The following MAPK8 variants were observed in gnomAD, a reference collection of about 807,000 sequenced individuals.
MAPK8 encodes the protein JUN N-terminal kinase.
A neutral mutation model predicts 52.9 loss-of-function variants in MAPK8; 13 were observed. The ratio of observed to expected loss-of-function variants is 0.25; its 90% CI spans 0.16 to 0.39. The LOEUF (loss-of-function observed/expected upper bound fraction) is 0.39, where lower values mean the gene tolerates loss of function less well. Among genes scored for constraint, MAPK8 ranks in the 10% least tolerant of loss-of-function variants. MAPK8 has a pLI of 1.00. For missense variants in MAPK8, 300 were observed against 519.2 expected, an observed-to-expected ratio of 0.58 and a Z score of 4.10; for synonymous variants, 191 against 169.8, an observed-to-expected ratio of 1.12 and a Z score of -0.97.
intron 1 of MAPK8, among the ~76,000 whole-genome samples, chr10:48,347,544 C>A (rs546659645): frequency 3.3e-5 from 5 of 152,160 alleles, no homozygotes; most frequent in African/African-American, 4.8e-5. Flanking sequence ...CTATCTCTGC[C>A]CTAGCTCCCC....
chr10:48,414,216 C>T (rs2042936839), intron 5 of MAPK8, among the ~76,000 whole-genome samples: 1 of 152,014 alleles, frequency 6.6e-6, no homozygotes, highest in Non-Finnish European at 1.5e-5. Context: ...ATAATCTTTT[C>T]AAGGTTCATT....
intron 1 of MAPK8, among the ~76,000 whole-genome samples, chr10:48,331,152 G>A (rs763644506): frequency 6.6e-6 from 1 of 152,130 alleles, no homozygotes; most frequent in Non-Finnish European, 1.5e-5. Flanking sequence ...GCTGGGTGGG[G>A]CAGGATGATG....
intron 1 of MAPK8, among the ~76,000 whole-genome samples, chr10:48,380,307 T>G (rs925697325): frequency 1.3e-4 from 20 of 152,214 alleles, no homozygotes. Flanking sequence ...GTTTAGGAAT[T>G]GCATACAATT....
At chr10:48,389,621 G>A (rs1376160333) in intron 1 of MAPK8, among the ~76,000 whole-genome samples, 1 of 152,176 alleles carries the variant, frequency 6.6e-6, no homozygotes, top group African/African-American at 2.4e-5. Flanking sequence ...TTCATAATGG[G>A]AATTTAAAAT....
At chr10:48,322,351 C>G (rs1408843707) in intron 1 of MAPK8, among the ~76,000 whole-genome samples, 1 of 151,620 alleles carries the variant, frequency 6.6e-6, no homozygotes, top group Non-Finnish European at 1.5e-5. Context: ...TTAAGCATGT[C>G]TGTGTCGGAT....
chr10:48,323,292 C>T (rs1034450401), intron 1 of MAPK8, among the ~76,000 whole-genome samples: 1 of 152,152 alleles, frequency 6.6e-6, no homozygotes, highest in Non-Finnish European at 1.5e-5. Flanking sequence ...ATGATATTGT[C>T]ATAATTAAAA....
chr10:48,399,039 C>T lies in MAPK8; in HGVS notation c.-49-2573C>T, dbSNP rs541833803. Among the ~76,000 whole-genome samples, 7 of 152,296 alleles carry T rather than the reference C, an allele frequency of 4.6e-5. No homozygotes were observed. The South Asian group carries it at 1.0e-3, about 23-fold the overall frequency. ...TTTTTTCTGCCTAGAAAGCTCTCTC[C>T]TCTCCCTGTCTGGTTGACTCATATT... On this transcript the variant is annotated intron_variant, in intron 1 of 11. Coordinates refer to ENST00000374189, the MANE Select transcript of MAPK8 (RefSeq NM_001323329.2).
At chr10:48,357,239 A>T (rs1847067485) in intron 1 of MAPK8, among the ~76,000 whole-genome samples, 1 of 152,198 alleles carries the variant, frequency 6.6e-6, no homozygotes. Flanking sequence ...CACATCTGTA[A>T]CATCTGTAGT....
At position 48,379,938 on chromosome 10, in the gene MAPK8, T is replaced by TAAAA. The variant is rs373050540; in HGVS notation, c.-49-21656_-49-21653dup. ...AGGATTTGGAGGGAAACAAAGCTCT[T>TAAAA]AAAAAAAAAAAAAAAAAAAAACAGA... On this transcript the variant is annotated intron_variant, in intron 1 of 11. Transcript: ENST00000374189. 3.0e-3 allele frequency among the ~76,000 whole-genome samples: 348 copies of TAAAA among 115,796 alleles called. 4 individuals carry two copies. The highest frequency in any genetic ancestry group is 0.011 in the African/African-American group (313 of 29,782). The allele number at this position is 115,796 out of a possible 152,430, so 76.0% of individuals were successfully genotyped here.
At chr10:48,423,333 T>A (rs955926045) in intron 6 of MAPK8, among the ~76,000 whole-genome samples, 2 of 152,220 alleles carry the variant, frequency 1.3e-5, no homozygotes, top group African/African-American at 4.8e-5. Flanking sequence ...AAAACTAACT[T>A]CTTAAGCCAA....
intron 1 of MAPK8, among the ~76,000 whole-genome samples, chr10:48,327,975 T>G (rs1299830213): frequency 1.3e-5 from 2 of 152,164 alleles, no homozygotes; most frequent in East Asian, 1.9e-4. Flanking sequence ...TGATGACCCC[T>G]CTTCCATTTG....
chr10:48,431,401 A>T (rs2044241110), intron 11 of MAPK8, 131 bp downstream of exon 11: 1 of 643,108 alleles, frequency 1.6e-6, no homozygotes, highest in Non-Finnish European at 2.7e-6. Context: ...AGTATAAGGA[A>T]ATACAGTTTT....
At chr10:48,339,630 G>A (rs756959295) in intron 1 of MAPK8, among the ~76,000 whole-genome samples, 13 of 151,966 alleles carry the variant, frequency 8.6e-5, no homozygotes, top group South Asian at 2.1e-4. Context: ...GGTAAACAGC[G>A]TACAGAATGG....
chr10:48,388,508 T>TAAA (rs955636773), intron 1 of MAPK8, among the ~76,000 whole-genome samples: 20 of 152,142 alleles, frequency 1.3e-4, no homozygotes, highest in Non-Finnish European at 2.4e-4. Flanking sequence ...GGAATCAATG[T>TAAA]AAAAACCCCT....
At chr10:48,414,139 C>T (rs1227058554) in intron 5 of MAPK8, among the ~76,000 whole-genome samples, 1 of 151,838 alleles carries the variant, frequency 6.6e-6, no homozygotes, top group African/African-American at 2.4e-5. Context: ...TTTGTCTATT[C>T]TGGACATTTC....
chr10:48,316,373 G>A (rs1283698291), intron 1 of MAPK8, among the ~76,000 whole-genome samples: 1 of 152,178 alleles, frequency 6.6e-6, no homozygotes, highest in Admixed American at 6.5e-5. Flanking sequence ...TACTATCTAG[G>A]TTGGTGTAAG....
chr10:48,352,225 G>T (rs1420622776), intron 1 of MAPK8, among the ~76,000 whole-genome samples: 1 of 151,908 alleles, frequency 6.6e-6, no homozygotes, highest in African/African-American at 2.4e-5. Context: ...CACTATTTCT[G>T]TGTAGTCTCT....
chr10:48,354,918 A>G (rs1417986676), intron 1 of MAPK8, among the ~76,000 whole-genome samples: 1 of 152,152 alleles, frequency 6.6e-6, no homozygotes, highest in Non-Finnish European at 1.5e-5. Context: ...GGAGAAACTC[A>G]TCTCCATCCC....
Position 48,438,042 on chromosome 10 carries a change from A to C in MAPK8, c.*3013A>C, listed in dbSNP as rs1367594183. 2.6e-5 allele frequency: 4 copies of C among 152,268 alleles called. No individual in the cohort carries two copies. The highest frequency in any genetic ancestry group is 2.6e-4 in the Admixed American group (4 of 15,284). The allele number at this position is 152,268 out of a possible 1,614,324, so 9.4% of individuals were successfully genotyped here. A position where few individuals can be genotyped will look rare whatever the true frequency, so the allele number is the denominator to read the frequency against. ...GTATCTGCTAAACATATGAAGACTT[A>C]ACTATTCAGTGTTGCCTAGGCATTC... On this transcript the variant is annotated 3_prime_UTR_variant, in exon 12 of 12. Coordinates refer to ENST00000374189, the MANE Select transcript of MAPK8 (RefSeq NM_001323329.2).
Sources: allele counts gnomAD v4.1 joint callset (sites outside exome capture counted in the v4.1 genomes callset), GRCh38; gene constraint gnomAD v4.1.1; transcripts MANE v1.5; gene names NCBI Gene and HGNC (gene_info 2026-07-23, HGNC 2026-07-21).